The following DGKB variants were observed in gnomAD, a reference collection of about 807,000 sequenced individuals.
The protein encoded by DGKB is diacylglycerol kinase beta.
Under a neutral mutation model 114.3 loss-of-function variants are expected in DGKB, and 67 were observed. The ratio of observed to expected loss-of-function variants is 0.59; its 90% confidence interval spans 0.48 to 0.72. The LOEUF is 0.72. Ranked by LOEUF, DGKB falls within the 30% of genes least tolerant of loss-of-function variation. The pLI, the probability that DGKB is intolerant of heterozygous loss-of-function variation, is 0.00. For missense variants in DGKB, 907 were observed against 975.2 expected (o/e 0.93, Z 0.93); for synonymous variants, 398 against 323.1 (o/e 1.23, Z -2.49).
At chr7:14,341,302 A>G (rs920752172) in intron 22 of DGKB, among the ~76,000 whole-genome samples, 8 of 151,822 alleles carry the variant, frequency 5.3e-5, no homozygotes, top group Non-Finnish European at 1.2e-4. Flanking sequence ...CGTTATGTTC[A>G]TTAGTCTGGA....
chr7:14,593,628 C>A (rs1184902939), intron 17 of DGKB, among the ~76,000 whole-genome samples: 2 of 151,400 alleles, frequency 1.3e-5, no homozygotes, highest in African/African-American at 4.8e-5. Context: ...AAAATTATAA[C>A]CCTTGAAGGA....
At chr7:14,501,957 T>C (rs1380217474) in intron 20 of DGKB, among the ~76,000 whole-genome samples, 1 of 151,874 alleles carries the variant, frequency 6.6e-6, no homozygotes, top group Admixed American at 6.6e-5. Context: ...TCTTGGAAGA[T>C]GGTGAGTATA....
chr7:14,471,751 A>G (rs1047390256), intron 21 of DGKB, among the ~76,000 whole-genome samples: 2 of 152,118 alleles, frequency 1.3e-5, no homozygotes, highest in Non-Finnish European at 2.9e-5. Context: ...GCACTATAAA[A>G]GCATAAACTA....
intron 21 of DGKB, among the ~76,000 whole-genome samples, chr7:14,422,458 C>A (rs1432212146): frequency 1.3e-5 from 2 of 151,994 alleles, no homozygotes; most frequent in Non-Finnish European, 2.9e-5. Flanking sequence ...AAGACTTAAA[C>A]CCATGTACAT....
At chr7:14,906,232 C>A (rs1040566855), upstream of DGKB, among the ~76,000 whole-genome samples, 2 of 150,904 alleles carry the variant, frequency 1.3e-5, no homozygotes, top group South Asian at 4.2e-4. Flanking sequence ...AAAACAAAAA[C>A]AAAAACAGAT....
intron 1 of DGKB, among the ~76,000 whole-genome samples, chr7:14,853,350 C>T (rs1371477655): frequency 6.6e-6 from 1 of 151,946 alleles, no homozygotes; most frequent in Non-Finnish European, 1.5e-5. Flanking sequence ...CATGTACATA[C>T]TGGCTCACCA....
Position 14,826,082 on chromosome 7 carries a change from A to G in DGKB, c.70+15112T>C, listed in dbSNP as rs144625907. On this transcript the variant is annotated intron_variant, in intron 2 of 25. Coordinates refer to ENST00000402815, the MANE Select transcript of DGKB (RefSeq NM_001350709.2). ...TTGCCTACATCGCTCTGGGGCTTGC[A>G]CGAAGTAGCAGTGTTAAACTTGCAG... Among the ~76,000 whole-genome samples the G allele has an allele frequency of 7.3e-3, 1,118 of 152,286 alleles. 12 individuals carry two copies. The highest frequency in any genetic ancestry group is 0.034 in the Middle Eastern group (10 of 294).
chr7:14,844,633 T>A (rs1848391866), intron 1 of DGKB, among the ~76,000 whole-genome samples: 1 of 152,194 alleles, frequency 6.6e-6, no homozygotes, highest in Admixed American at 6.5e-5. Flanking sequence ...CTCCCTGAGC[T>A]CTCTCCCTTT....
chr7:14,543,663 T>A (rs1285789319), intron 20 of DGKB, among the ~76,000 whole-genome samples: 1 of 152,128 alleles, frequency 6.6e-6, no homozygotes, highest in Non-Finnish European at 1.5e-5. Flanking sequence ...ATAATTAAAT[T>A]AAAAACTATT....
chr7:14,719,188 T>C (rs1460415433), intron 5 of DGKB, among the ~76,000 whole-genome samples: 4 of 152,146 alleles, frequency 2.6e-5, no homozygotes, highest in African/African-American at 9.7e-5. Flanking sequence ...GAAGAAGACA[T>C]CCTTTTTTAC....
At chr7:14,420,834 G>A (rs1411706051) in intron 21 of DGKB, among the ~76,000 whole-genome samples, 1 of 151,998 alleles carries the variant, frequency 6.6e-6, no homozygotes, top group Non-Finnish European at 1.5e-5. Flanking sequence ...AATAGGGTCT[G>A]GAGGCAGGGA....
intron 5 of DGKB, among the ~76,000 whole-genome samples, chr7:14,733,746 T>TAAAGAAGAAAGAAAG (rs1831255890): frequency 1.8e-4 from 1 of 5,594 alleles, no homozygotes; most frequent in South Asian, 5.6e-3. Context: ...AAGAAAGAAA[T>TAAAGAAGAAAGAAAG]AAAGAAGAAA....
chr7:14,879,318 C>A (rs898696965), intron 1 of DGKB, among the ~76,000 whole-genome samples: 2 of 149,544 alleles, frequency 1.3e-5, no homozygotes, highest in African/African-American at 2.6e-5. Flanking sequence ...TGGTAAACTT[C>A]CATGCTTTGC....
At chr7:14,910,538 A>G (rs1468762301) in intron 1 of DGKB, among the ~76,000 whole-genome samples, 1 of 152,184 alleles carries the variant, frequency 6.6e-6, no homozygotes, top group Non-Finnish European at 1.5e-5. Flanking sequence ...TTAGGATTTA[A>G]TCTAAGATAT....
At chr7:14,246,577 G>T (rs1794512722) in intron 23 of DGKB, among the ~76,000 whole-genome samples, 1 of 152,100 alleles carries the variant, frequency 6.6e-6, no homozygotes, top group Admixed American at 6.6e-5. Flanking sequence ...TGTAAGTTTG[G>T]AAATCATACT....
At chr7:14,589,882 A>G (rs1801396180) in intron 17 of DGKB, among the ~76,000 whole-genome samples, 1 of 152,090 alleles carries the variant, frequency 6.6e-6, no homozygotes, top group Admixed American at 6.6e-5. Context: ...ACTTTTTAAA[A>G]TTAAAATTAT....
At chr7:14,373,144 T>C (rs1210677971) in intron 21 of DGKB, among the ~76,000 whole-genome samples, 2 of 152,228 alleles carry the variant, frequency 1.3e-5, no homozygotes, top group Non-Finnish European at 2.9e-5. Flanking sequence ...TGTGTCATCT[T>C]GGACCCTTGA....
intron 21 of DGKB, among the ~76,000 whole-genome samples, chr7:14,368,573 C>CTGTGTGTGTGTGTGTGTG (rs3069084): frequency 4.0e-5 from 6 of 148,620 alleles, no homozygotes; most frequent in Non-Finnish European, 5.9e-5. Flanking sequence ...GGTATTTTCT[C>CTGTGTGTGTGTGTGTGTG]TGTGTGTGTG....
At chr7:14,572,482 T>C (rs1798549190) in intron 20 of DGKB, among the ~76,000 whole-genome samples, 1 of 150,610 alleles carries the variant, frequency 6.6e-6, no homozygotes, top group African/African-American at 2.4e-5. Flanking sequence ...GAATAAAGTA[T>C]AAAGTATAGT....
Sources: gnomAD v4.1 joint callset for allele counts (sites outside exome capture counted in the v4.1 genomes callset) on GRCh38, gnomAD v4.1.1 for gene constraint, MANE v1.5 for transcripts, NCBI Gene and HGNC (gene_info 2026-07-23, HGNC 2026-07-21) for gene names.